Variants in TRDN observed in about 807,000 individuals in gnomAD.
TRDN encodes the protein triadin, also known as triadin in skeletal muscle.
A neutral mutation model predicts 149.7 loss-of-function variants in TRDN; 161 were observed. The observed-to-expected ratio is 1.08, with a 90% CI of 0.95 to 1.23. The LOEUF (loss-of-function observed/expected upper bound fraction) is 1.23. TRDN is among the 50% of genes most tolerant of loss of function. The probability of loss-of-function intolerance (pLI) is 0.00; values close to 1 mark genes in which losing one functional copy is unlikely to be tolerated. For missense variants in TRDN, 896 were observed against 823.5 expected (o/e 1.09, Z -1.08); for synonymous variants, 294 against 250.5 (o/e 1.17, Z -1.64).
intron 5 of TRDN, among the ~76,000 whole-genome samples, chr6:123,518,049 C>T (rs945236717): frequency 2.6e-5 from 4 of 151,986 alleles, no homozygotes; most frequent in Non-Finnish European, 4.4e-5. Context: ...CTAGTTTTAT[C>T]GTCTAGTTAA....
chr6:123,482,810 T>G (rs1372229173), intron 9 of TRDN, among the ~76,000 whole-genome samples: 1 of 152,052 alleles, frequency 6.6e-6, no homozygotes, highest in Non-Finnish European at 1.5e-5. Context: ...ACCCAAACAC[T>G]GTGGATGGTT....
At chr6:123,355,509 C>T (rs1467403153) in intron 20 of TRDN, among the ~76,000 whole-genome samples, 1 of 151,674 alleles carries the variant, frequency 6.6e-6, no homozygotes, top group Non-Finnish European at 1.5e-5. Context: ...GTCTTGATTA[C>T]TCCTGTAGGT....
rs1582982734 is a variant in TRDN, at chr6:123,409,084, A to G, written c.1052-15407T>C. Among the ~76,000 whole-genome samples, 12 of 152,342 alleles carry G rather than the reference A, an allele frequency of 7.9e-5. 1 individual carries two copies. In the South Asian group the frequency reaches 2.5e-3, roughly 32 times the overall value. On this transcript the variant is annotated intron_variant, in intron 12 of 40. Coordinates refer to ENST00000334268, the MANE Select transcript of TRDN (RefSeq NM_006073.4). Reference sequence around the variant, plus strand: ...ACTTTTCTTTAATGCAACACTCATTAATGAGGAACATAGACTGGGTGATGT... The same window carrying G: ...ACTTTTCTTTAATGCAACACTCATTGATGAGGAACATAGACTGGGTGATGT...
intron 12 of TRDN, among the ~76,000 whole-genome samples, chr6:123,419,810 C>A (rs1335466811): frequency 6.6e-6 from 1 of 152,182 alleles, no homozygotes; most frequent in Admixed American, 6.5e-5. Context: ...TACCTCCTGC[C>A]TCCCAAGTGC....
chr6:123,261,441 T>C (rs1776769167), intron 33 of TRDN, among the ~76,000 whole-genome samples: 1 of 151,870 alleles, frequency 6.6e-6, no homozygotes, highest in Non-Finnish European at 1.5e-5. Flanking sequence ...TACAGAACCA[T>C]GCTTTCTTCT....
At chr6:123,443,991 T>C (rs1249488380) in intron 10 of TRDN, among the ~76,000 whole-genome samples, 1 of 151,224 alleles carries the variant, frequency 6.6e-6, no homozygotes. Flanking sequence ...TAGGATTGAC[T>C]TGGCGATGTA....
At chr6:123,378,453 A>AGT (rs59816098) in intron 16 of TRDN, among the ~76,000 whole-genome samples, 7,508 of 136,280 alleles carry the variant, frequency 0.055, 218 homozygotes, top group East Asian at 0.12. Flanking sequence ...CCAGATTTGT[A>AGT]GTGTGTGTGT....
At chr6:123,491,068 T>C (rs372803992) in intron 9 of TRDN, among the ~76,000 whole-genome samples, 172 of 148,342 alleles carry the variant, frequency 1.2e-3, no homozygotes, top group African/African-American at 4.1e-3. Context: ...ATGGCACCAC[T>C]GCACTCCAGC....
At position 123,464,900 on chromosome 6, in the gene TRDN, A is replaced by G. The variant is rs913713029; in HGVS notation, c.931+6T>C. The G allele has an allele frequency of 2.5e-6, 4 of 1,570,922 alleles. No individual in the cohort carries two copies. The highest frequency in any genetic ancestry group is 2.7e-5 in the African/African-American group (2 of 73,980). On this transcript the variant is annotated splice_donor_region_variant and intron_variant, in intron 10 of 40. Transcript: ENST00000334268. The stretch of plus-strand genomic sequence containing the variant: ...AGAGATCTTTAAGAAAAAAAAAAGT[A>G]CTTGCCTTCAAGGGCAGGTGATGCC...
intron 1 of TRDN, among the ~76,000 whole-genome samples, chr6:123,610,988 T>C (rs1784778890): frequency 6.6e-6 from 1 of 152,122 alleles, no homozygotes; most frequent in Non-Finnish European, 1.5e-5. Flanking sequence ...TCAAGACTGC[T>C]ACTTTAAGCT....
chr6:123,556,230 A>G (rs1781645912), intron 2 of TRDN, among the ~76,000 whole-genome samples: 1 of 152,126 alleles, frequency 6.6e-6, no homozygotes, highest in African/African-American at 2.4e-5. Context: ...TTAGGAATAA[A>G]TGTTCTATTT....
intron 4 of TRDN, among the ~76,000 whole-genome samples, chr6:123,533,921 C>G (rs1780384377): frequency 1.3e-5 from 2 of 151,936 alleles, no homozygotes; most frequent in South Asian, 2.1e-4. Context: ...TATTTCAGAG[C>G]AGTTATTTTT....
At chr6:123,595,751 T>A (rs564752871) in intron 1 of TRDN, among the ~76,000 whole-genome samples, 1 of 152,218 alleles carries the variant, frequency 6.6e-6, no homozygotes, top group Non-Finnish European at 1.5e-5. Context: ...TTGTATTTGT[T>A]TGCACCCATT....
chr6:123,530,051 C>T (rs1051864067), intron 5 of TRDN, among the ~76,000 whole-genome samples: 1 of 151,806 alleles, frequency 6.6e-6, no homozygotes, highest in African/African-American at 2.4e-5. Flanking sequence ...GCAGGAGAGC[C>T]GTGGGGCTTT....
intron 5 of TRDN, 108 bp downstream of exon 5, chr6:123,530,398 T>G (rs929312056): frequency 3.5e-6 from 2 of 568,460 alleles, no homozygotes; most frequent in Middle Eastern, 5.9e-4. Context: ...ATTTAGTTAT[T>G]TAATATCAAA....
chr6:123,465,186 C>T (rs1054942104), intron 9 of TRDN, among the ~76,000 whole-genome samples: 1 of 152,056 alleles, frequency 6.6e-6, no homozygotes, highest in Non-Finnish European at 1.5e-5. Context: ...TCTTCAGAGC[C>T]ATTTCTGAAT....
intron 2 of TRDN, among the ~76,000 whole-genome samples, chr6:123,559,596 C>T (rs916835700): frequency 3.3e-5 from 5 of 152,106 alleles, no homozygotes; most frequent in African/African-American, 1.2e-4. Context: ...CCTAATCACC[C>T]TTACCCCAAT....
At chr6:123,516,250 T>C in intron 5 of TRDN, 44 bp from the exon 6 acceptor site, 3 of 1,427,930 alleles carry the variant, frequency 2.1e-6, no homozygotes, top group Non-Finnish European at 2.8e-6. Context: ...ATAACAGGAA[T>C]AAATGAGGAG....
chr6:123,449,586 C>G (rs1775637750), intron 10 of TRDN, among the ~76,000 whole-genome samples: 1 of 152,020 alleles, frequency 6.6e-6, no homozygotes, highest in Non-Finnish European at 1.5e-5. Flanking sequence ...ATGACCAAAT[C>G]TAAGAATAAT....
Sources: gnomAD v4.1 joint callset for allele counts (sites outside exome capture counted in the v4.1 genomes callset) on GRCh38, gnomAD v4.1.1 for gene constraint, MANE v1.5 for transcripts, NCBI Gene and HGNC (gene_info 2026-07-23, HGNC 2026-07-21) for gene names.